The following TBX18 variants were observed in gnomAD, a reference collection of about 807,000 sequenced individuals.
TBX18 encodes T-box transcription factor TBX18.
A neutral mutation model predicts 55.0 loss-of-function variants in TBX18; 21 were observed. That is an observed-to-expected ratio of 0.38 (90% CI 0.27 to 0.55). The LOEUF (loss-of-function observed/expected upper bound fraction) is 0.55. Among genes scored for constraint, TBX18 ranks in the 20% least tolerant of loss-of-function variants. TBX18 has a pLI of 0.73. For missense variants in TBX18, 840 were observed against 799.6 expected, an observed-to-expected ratio of 1.05 and a Z score of -0.61; for synonymous variants, 342 against 326.1, an observed-to-expected ratio of 1.05 and a Z score of -0.53.
intron 6 of TBX18, among the ~76,000 whole-genome samples, chr6:84,739,774 A>G (rs1766999578): frequency 6.6e-6 from 1 of 152,166 alleles, no homozygotes; most frequent in African/African-American, 2.4e-5. Context: ...CACATACACA[A>G]TATGGTGAAA....
intron 6 of TBX18, among the ~76,000 whole-genome samples, chr6:84,739,800 G>C (rs934534397): frequency 6.6e-6 from 1 of 152,192 alleles, no homozygotes; most frequent in Non-Finnish European, 1.5e-5. Context: ...CTAAACACCA[G>C]AGGTAAGTGA....
At chr6:84,744,112 A>G (rs1309669273) in intron 6 of TBX18, 149 bp downstream of exon 6, 14 of 727,422 alleles carry the variant, frequency 1.9e-5, no homozygotes, top group Non-Finnish European at 3.1e-5. Context: ...ACACTACAAA[A>G]ATAAGTTATC....
At chr6:84,748,683 G>A (rs1273019486) in intron 4 of TBX18, among the ~76,000 whole-genome samples, 1 of 152,168 alleles carries the variant, frequency 6.6e-6, no homozygotes, top group Non-Finnish European at 1.5e-5. Context: ...TCAGACTGCA[G>A]AGAACAGAAA....
rs1336750280 is a variant in TBX18, at chr6:84,733,664, G to A, written c.*3021C>T. 7 of 152,162 alleles carry A rather than the reference G, an allele frequency of 4.6e-5. No homozygotes were observed. Among genetic ancestry groups the A allele is most frequent in the African/African-American group, 1.7e-4 (7 of 41,436 alleles). The allele number at this position is 152,162 out of a possible 1,614,324, so 9.4% of individuals were successfully genotyped here. ...TCTCCTTCCCATACAAATCTTCCCA[G>A]AATTGTCCTGCTACAAAAATTACTT... On this transcript the variant is annotated 3_prime_UTR_variant, in exon 8 of 8. Transcript: ENST00000369663.
intron 1 of TBX18, 164 bp from the exon 2 acceptor site, chr6:84,762,912 A>G: frequency 1.5e-6 from 1 of 660,566 alleles, no homozygotes; most frequent in Non-Finnish European, 2.6e-6. Flanking sequence ...GTCGATAGAC[A>G]CCCACATTCT....
At chr6:84,752,545 C>A (rs1767378381) in intron 4 of TBX18, among the ~76,000 whole-genome samples, 1 of 152,164 alleles carries the variant, frequency 6.6e-6, no homozygotes. Flanking sequence ...CAAATACGTC[C>A]TTTCGAGTTC....
In TBX18 at chr6:84,734,538, A is replaced by T. The variant is rs1773888876; in HGVS notation, c.*2147T>A. 6.6e-6 allele frequency: 1 copy of T among 152,618 alleles called. No individual in the cohort carries two copies. Among genetic ancestry groups the T allele is most frequent in the Non-Finnish European group, 1.5e-5 (1 of 68,032 alleles). The allele number at this position is 152,618 out of a possible 1,614,324, so 9.5% of individuals were successfully genotyped here. A position where few individuals can be genotyped will look rare whatever the true frequency, so the allele number is the denominator to read the frequency against. On this transcript the variant is annotated 3_prime_UTR_variant, in exon 8 of 8. Transcript: ENST00000369663. ...ATGCATGTCATTTAATTCAGCAATA[A>T]AAGGCTAGTCTCTGAAGTGACGTGG... is the stretch of plus-strand genomic sequence containing the variant.
intron 4 of TBX18, among the ~76,000 whole-genome samples, chr6:84,749,354 G>A (rs373390745): frequency 5.9e-5 from 9 of 152,130 alleles, no homozygotes; most frequent in African/African-American, 1.9e-4. Context: ...TTTATGATGT[G>A]GGCAGTTTAA....
chr6:84,755,696 A>G (rs1385115464), intron 4 of TBX18, among the ~76,000 whole-genome samples: 1 of 152,230 alleles, frequency 6.6e-6, no homozygotes, highest in Non-Finnish European at 1.5e-5. Context: ...TGGCGGTGTG[A>G]GATCTTACTA....
chr6:84,748,675 A>T (rs1380415597), intron 4 of TBX18, among the ~76,000 whole-genome samples: 1 of 152,216 alleles, frequency 6.6e-6, no homozygotes, highest in Non-Finnish European at 1.5e-5. Flanking sequence ...TCCATTACTC[A>T]GACTGCAGAG....
At chr6:84,746,979 T>C (rs985535201) in intron 5 of TBX18, among the ~76,000 whole-genome samples, 1 of 151,850 alleles carries the variant, frequency 6.6e-6, no homozygotes, top group African/African-American at 2.4e-5. Context: ...ACAGCTTCGG[T>C]TGTGATACTG....
rs1268803496 is a variant in TBX18 at position 84,735,968 on chromosome 6, T to C, written c.*717A>G. On this transcript the variant is annotated 3_prime_UTR_variant, in exon 8 of 8. Transcript: ENST00000369663. ...AGCAAAAAATCGAAAATACTGGAAA[T>C]TTGTTCTCTACAGATGAATAAGAAC... The C allele has an allele frequency of 6.6e-6, 1 of 152,106 alleles. No individual in the cohort carries two copies. Among genetic ancestry groups the C allele is most frequent in the Non-Finnish European group, 1.5e-5 (1 of 68,016 alleles). 9.4% of individuals were successfully genotyped at this position (152,106 alleles called of 1,614,324 possible).
chr6:84,749,452 C>T (rs950901079), intron 4 of TBX18, among the ~76,000 whole-genome samples: 11 of 151,292 alleles, frequency 7.3e-5, no homozygotes, highest in Non-Finnish European at 1.0e-4. Flanking sequence ...AGATTCTTTA[C>T]TTTCTGGCAG....
Position 84,738,492 on chromosome 6 carries a change from G to A in TBX18, c.1099+5C>T. The A allele has an allele frequency of 6.2e-6, 10 of 1,613,192 alleles. No homozygotes were observed. The South Asian group carries it at 1.1e-4, about 18-fold the overall frequency. On this transcript the variant is annotated splice_donor_5th_base_variant and intron_variant, in intron 7 of 7. Transcript: ENST00000369663. ...ATATATGACCCAGGAGACTTTGTGA[G>A]TTACCTTGCTTGGGAATTCCAGGGA...
chr6:84,759,825 T>C (rs991037247), intron 3 of TBX18, among the ~76,000 whole-genome samples: 1 of 152,044 alleles, frequency 6.6e-6, no homozygotes, highest in South Asian at 2.1e-4. Context: ...CAAACATTGA[T>C]GGTTTTGTAT....
chr6:84,748,373 T>A (rs1400685591), intron 4 of TBX18, among the ~76,000 whole-genome samples: 2 of 152,290 alleles, frequency 1.3e-5, no homozygotes, highest in East Asian at 1.9e-4. Context: ...AGGAATAAAT[T>A]AATAAGCATT....
chr6:84,762,978 C>T, intron 1 of TBX18: 1 of 576,868 alleles, frequency 1.7e-6, no homozygotes, highest in Non-Finnish European at 3.1e-6. Flanking sequence ...TCCCCAAGTC[C>T]CAAGCCCGGG....
intron 2 of TBX18, among the ~76,000 whole-genome samples, chr6:84,760,712 A>C (rs1767626361): frequency 6.6e-6 from 1 of 152,226 alleles, no homozygotes. Flanking sequence ...AAAATGTAAC[A>C]AATGGTAGAA....
chr6:84,756,469 T>A (rs9450018), intron 4 of TBX18, among the ~76,000 whole-genome samples: 11,668 of 152,274 alleles, frequency 0.077, 1,495 homozygotes, highest in African/African-American at 0.26. Context: ...GTACTTTCAG[T>A]CCAATAAAAA....
Sources: allele counts gnomAD v4.1 joint callset (sites outside exome capture counted in the v4.1 genomes callset), GRCh38; gene constraint gnomAD v4.1.1; transcripts MANE v1.5; gene names NCBI Gene and HGNC (gene_info 2026-07-23, HGNC 2026-07-21).